The following CATSPERE variants were observed in gnomAD, a reference collection of about 807,000 sequenced individuals.
CATSPERE encodes the protein cation channel sperm-associated auxiliary subunit epsilon.
CATSPERE carries 93 observed loss-of-function variants against 114.1 expected under a neutral mutation model. The observed-to-expected ratio is 0.81, with a 90% confidence interval of 0.69 to 0.97. CATSPERE has a LOEUF of 0.97. Ranked by LOEUF, CATSPERE falls within the 50% of genes least tolerant of loss-of-function variation. CATSPERE has a pLI of 0.00. For synonymous variants in CATSPERE, 341 were observed against 384.1 expected, an observed-to-expected ratio of 0.89 and a Z score of 1.31; for missense variants, 1,058 against 1,131.6, an observed-to-expected ratio of 0.93 and a Z score of 0.93.
At position 244,527,728 on chromosome 1, in the gene CATSPERE, T is replaced by C. The variant is rs184329145; in HGVS notation, c.536+9030T>C. Among the ~76,000 whole-genome samples the C allele has an allele frequency of 1.2e-3, 186 of 152,316 alleles. 2 individuals are homozygous for C. Among genetic ancestry groups the C allele is most frequent in the African/African-American group, 4.4e-3 (181 of 41,580 alleles). On this transcript the variant is annotated intron_variant, in intron 8 of 21. Coordinates refer to ENST00000366534, the MANE Select transcript of CATSPERE (RefSeq NM_001130957.2). ...CAGTAAAGACAGGTGTAAAAAATTA[T>C]AAAAGTATTAATTTGGGGAACTAAT...
chr1:244,598,302 C>G (rs1431218232), intron 17 of CATSPERE: 1 of 152,344 alleles, frequency 6.6e-6, no homozygotes, highest in African/African-American at 2.4e-5. Flanking sequence ...TCAGGGCTGC[C>G]CAACAAAAAT....
intron 20 of CATSPERE, among the ~76,000 whole-genome samples, chr1:244,625,127 CA>C (rs1672934446): frequency 6.6e-6 from 1 of 151,718 alleles, no homozygotes; most frequent in African/African-American, 2.4e-5. Flanking sequence ...TTATTTTGTC[CA>C]GATACATCAG....
Position 244,591,722 on chromosome 1 carries a change from T to C in CATSPERE, c.2180T>C (p.Val727Ala), listed in dbSNP as rs748375188. The change falls in exon 15 of 22, where the codon GTG becomes GCG. Residue 727 changes from valine (V) to alanine (A), a missense_variant. Val to Ala is a moderately conservative substitution (Grantham distance 64, BLOSUM62 0). Transcript: ENST00000366534. The part of the protein sequence containing the change: ...KGCHHHDFSY[V>A]IEKSYLRHQP... ...TGTCATCACCATGATTTTTCATACG[T>C]GATTGAAAAGTAAGAAATTTTTTAA... 1.3e-6 allele frequency: 2 copies of C among 1,515,284 alleles called. No individual in the cohort carries two copies. Among genetic ancestry groups the C allele is most frequent in the Admixed American group, 3.5e-5 (2 of 56,868 alleles). The allele number at this position is 1,515,284 out of a possible 1,614,324, so 93.9% of individuals were successfully genotyped here. A position where few individuals can be genotyped will look rare whatever the true frequency, so the allele number is the denominator to read the frequency against.
intron 10 of CATSPERE, among the ~76,000 whole-genome samples, chr1:244,569,359 G>A (rs1401360697): frequency 6.6e-6 from 1 of 152,214 alleles, no homozygotes; most frequent in Non-Finnish European, 1.5e-5. Context: ...ACTGCAGACT[G>A]GAGCTGTTCC....
intron 17 of CATSPERE, among the ~76,000 whole-genome samples, chr1:244,596,777 TAA>T (rs202200845): frequency 7.0e-6 from 1 of 142,012 alleles, no homozygotes. Flanking sequence ...AAGTAAAATT[TAA>T]AAAAAAAAAA....
intron 17 of CATSPERE, 93 bp downstream of exon 17, chr1:244,593,671 C>G (rs563538010): frequency 2.0e-5 from 20 of 1,005,786 alleles, no homozygotes; most frequent in Admixed American, 1.4e-4. Context: ...TCTAACAACA[C>G]GTATTTTAGA....
chr1:244,580,304 G>A (rs1665979064), intron 11 of CATSPERE, among the ~76,000 whole-genome samples: 1 of 150,654 alleles, frequency 6.6e-6, no homozygotes, highest in African/African-American at 2.5e-5. Context: ...CTCTTCGATA[G>A]GGCACTTTTT....
chr1:244,515,217 C>G (rs1476236586), intron 7 of CATSPERE: 3 of 422,356 alleles, frequency 7.1e-6, no homozygotes, highest in African/African-American at 6.5e-5. Context: ...GTCAATTCCT[C>G]AAGCATAGTA....
chr1:244,542,071 T>C (rs1658881625), intron 8 of CATSPERE, among the ~76,000 whole-genome samples: 1 of 146,556 alleles, frequency 6.8e-6, no homozygotes, highest in Non-Finnish European at 1.5e-5. Context: ...GATGAGTTAA[T>C]GGGTGCAGCG....
At chr1:244,593,363 A>C in intron 15 of CATSPERE, 32 bp from the exon 16 acceptor site, 1 of 1,609,162 alleles carries the variant, frequency 6.2e-7, no homozygotes, top group Non-Finnish European at 8.5e-7. Flanking sequence ...GAAAAGAGGA[A>C]AGAGAAATAA....
intron 10 of CATSPERE, among the ~76,000 whole-genome samples, chr1:244,563,422 A>G (rs1662898513): frequency 6.6e-6 from 1 of 152,182 alleles, no homozygotes; most frequent in Admixed American, 6.5e-5. Context: ...CCTCTCCAGC[A>G]TCTGTTGTTT....
chr1:244,632,393 C>CAAAAAAA (rs35948602), intron 20 of CATSPERE, among the ~76,000 whole-genome samples: 1 of 109,364 alleles, frequency 9.1e-6, no homozygotes, highest in Non-Finnish European at 1.7e-5. Flanking sequence ...GACTCCAACT[C>CAAAAAAA]AAAAAAAAAA....
chr1:244,466,111 G>A (rs181580639), intron 2 of CATSPERE, among the ~76,000 whole-genome samples: 127 of 152,270 alleles, frequency 8.3e-4, no homozygotes, highest in African/African-American at 2.8e-3. Flanking sequence ...TCTCAGACTT[G>A]TTATCATAGT....
intron 8 of CATSPERE, among the ~76,000 whole-genome samples, chr1:244,539,724 T>G (rs1186695929): frequency 8.9e-6 from 1 of 112,562 alleles, no homozygotes; most frequent in Non-Finnish European, 1.9e-5. Flanking sequence ...GTCGAGGAAT[T>G]TATCCATTTC....
rs1663943655 is a variant in CATSPERE at position 244,568,530 on chromosome 1, G to A, written c.1508-3800G>A. On this transcript the variant is annotated intron_variant, in intron 10 of 21. Transcript: ENST00000366534. This position sits in a 1 kb window ranked among gnomAD's most constrained non-coding sequence, Gnocchi z 4.4. The stretch of plus-strand genomic sequence containing the variant: ...GTGGGGCTGCTGCCTTTCTTTCAGA[G>A]ATGCGCTGCCCAGAGAGGAGGAATC... Among the ~76,000 whole-genome samples, 1 of 152,250 alleles carries A rather than the reference G, an allele frequency of 6.6e-6. No individual in the cohort carries two copies. Among genetic ancestry groups the A allele is most frequent in the Admixed American group, 6.5e-5 (1 of 15,294 alleles).
At chr1:244,517,569 C>G (rs559174146) in intron 7 of CATSPERE, among the ~76,000 whole-genome samples, 1 of 151,770 alleles carries the variant, frequency 6.6e-6, no homozygotes, top group Non-Finnish European at 1.5e-5. Flanking sequence ...GTCAGGAGTT[C>G]GAGACCAGCC....
chr1:244,629,090 A>G (rs1354545184), intron 20 of CATSPERE, among the ~76,000 whole-genome samples: 1 of 152,126 alleles, frequency 6.6e-6, no homozygotes, highest in African/African-American at 2.4e-5. Context: ...TTCTCAAGAG[A>G]ACTGTTACTT....
intron 11 of CATSPERE, among the ~76,000 whole-genome samples, chr1:244,574,544 T>C (rs1019317701): frequency 6.6e-6 from 1 of 152,236 alleles, no homozygotes; most frequent in Admixed American, 6.5e-5. Context: ...CTTCAAACTT[T>C]TTTTAACATG....
intron 8 of CATSPERE, among the ~76,000 whole-genome samples, chr1:244,522,195 TC>T (rs1417478476): frequency 6.6e-6 from 1 of 152,056 alleles, no homozygotes; most frequent in Non-Finnish European, 1.5e-5. Context: ...TCAAAACCGC[TC>T]AACTACATGG....
Sources: allele counts gnomAD v4.1 joint callset (sites outside exome capture counted in the v4.1 genomes callset), GRCh38; gene constraint gnomAD v4.1.1; non-coding constraint Gnocchi (gnomAD v3.1); transcripts MANE v1.5; gene names NCBI Gene and HGNC (gene_info 2026-07-23, HGNC 2026-07-21).